Variants in ATRNL1 observed in about 807,000 individuals in gnomAD.
The protein encoded by ATRNL1 is attractin-like protein 1.
Under a neutral mutation model 182.7 loss-of-function variants are expected in ATRNL1, and 95 were observed. That is an observed-to-expected ratio of 0.52 (90% CI 0.44 to 0.62). The LOEUF (loss-of-function observed/expected upper bound fraction) is 0.62. Among genes scored for constraint, ATRNL1 ranks in the 20% least tolerant of loss-of-function variants. ATRNL1 has a pLI of 0.00. For synonymous variants in ATRNL1, 576 were observed against 568.3 expected (o/e 1.01, Z -0.19); for missense variants, 1,471 against 1,679.5 (o/e 0.88, Z 2.17).
chr10:115,139,927 G>C (rs782294058), intron 5 of ATRNL1, among the ~76,000 whole-genome samples: 64 of 152,142 alleles, frequency 4.2e-4, no homozygotes, highest in Non-Finnish European at 8.5e-4. Flanking sequence ...GAAATGAGAA[G>C]ACTGGATAAA....
chr10:115,603,480 A>T (rs1856720372), intron 26 of ATRNL1, among the ~76,000 whole-genome samples: 2 of 152,202 alleles, frequency 1.3e-5, no homozygotes, highest in African/African-American at 4.8e-5. Flanking sequence ...CATATCACTT[A>T]AAAAATTACA....
chr10:115,501,620 C>G (rs1373163895), intron 24 of ATRNL1, among the ~76,000 whole-genome samples: 1 of 152,030 alleles, frequency 6.6e-6, no homozygotes, highest in Admixed American at 6.6e-5. Context: ...AGAATACTAA[C>G]AAGTAGTTTT....
chr10:115,442,262 T>A (rs536742426), intron 21 of ATRNL1, among the ~76,000 whole-genome samples: 1 of 144,244 alleles, frequency 6.9e-6, no homozygotes, highest in African/African-American at 2.6e-5. Context: ...TCATTTTCAT[T>A]TGTGTTTGCT....
chr10:115,833,770 C>T (rs960053942), intron 27 of ATRNL1, among the ~76,000 whole-genome samples: 2 of 152,118 alleles, frequency 1.3e-5, no homozygotes, highest in Admixed American at 1.3e-4. Flanking sequence ...CAATAATGTA[C>T]CAGAGCCCAC....
At chr10:115,305,977 A>C (rs1158949203) in intron 17 of ATRNL1, among the ~76,000 whole-genome samples, 2 of 152,180 alleles carry the variant, frequency 1.3e-5, no homozygotes, top group Non-Finnish European at 2.9e-5. Context: ...TATATTTCAC[A>C]ATAAAAGAGG....
At chr10:115,472,468 A>G (rs184056383) in intron 24 of ATRNL1, among the ~76,000 whole-genome samples, 58 of 151,236 alleles carry the variant, frequency 3.8e-4, no homozygotes, top group Non-Finnish European at 6.7e-4. Flanking sequence ...AATTCTTCCA[A>G]TCAATGAACA....
chr10:115,838,232 G>T (rs1189653255), intron 27 of ATRNL1, among the ~76,000 whole-genome samples: 2 of 152,142 alleles, frequency 1.3e-5, no homozygotes, highest in African/African-American at 2.4e-5. Context: ...AAACTCTATT[G>T]TCAAAATTCT....
chr10:115,377,893 C>T (rs1857767213), intron 19 of ATRNL1, among the ~76,000 whole-genome samples: 1 of 152,124 alleles, frequency 6.6e-6, no homozygotes, highest in Admixed American at 6.5e-5. Context: ...GCACTCTCTC[C>T]AGGACCTTGG....
At chr10:115,801,749 G>C (rs1949798092) in intron 27 of ATRNL1, among the ~76,000 whole-genome samples, 1 of 151,970 alleles carries the variant, frequency 6.6e-6, no homozygotes, top group Admixed American at 6.6e-5. Flanking sequence ...AGAAACTCTT[G>C]CCTTGGAAGA....
intron 28 of ATRNL1, among the ~76,000 whole-genome samples, chr10:115,939,391 T>C (rs1163898584): frequency 6.6e-6 from 1 of 152,218 alleles, no homozygotes; most frequent in Non-Finnish European, 1.5e-5. Context: ...TTCCTTCCTA[T>C]GCGGTTTATA....
intron 28 of ATRNL1, among the ~76,000 whole-genome samples, chr10:115,902,254 CT>C (rs1952377311): frequency 6.6e-6 from 1 of 152,098 alleles, no homozygotes; most frequent in Non-Finnish European, 1.5e-5. Flanking sequence ...CATCATCTTC[CT>C]AAAGAACAAA....
chr10:115,295,552 A>T (rs1278192479), intron 15 of ATRNL1, among the ~76,000 whole-genome samples: 3 of 151,818 alleles, frequency 2.0e-5, no homozygotes, highest in African/African-American at 7.3e-5. Flanking sequence ...CTGCCTGGAG[A>T]GGTTGCAATG....
At chr10:115,240,632 ATACTT>A (rs1309704434) in intron 9 of ATRNL1, among the ~76,000 whole-genome samples, 1 of 152,122 alleles carries the variant, frequency 6.6e-6, no homozygotes, top group African/African-American at 2.4e-5. Context: ...TATACTAACT[ATACTT>A]TACGTATTAG....
rs571283543 is a variant in ATRNL1 at position 115,756,925 on chromosome 10, T to G, written c.3903+29570T>G. 1.6e-3 allele frequency among the ~76,000 whole-genome samples: 244 copies of G among 152,274 alleles called. 12 individuals are homozygous for G. The South Asian group carries it at 0.049, about 31-fold the overall frequency. Reference sequence around the variant, plus strand: ...CCTTTACCATTATGTAATACTCTTGTCTCTTTTCATCTTTGTTGGTTTAAC... The same window carrying G: ...CCTTTACCATTATGTAATACTCTTGGCTCTTTTCATCTTTGTTGGTTTAAC... On this transcript the variant is annotated intron_variant, in intron 27 of 28. Coordinates refer to ENST00000355044, the MANE Select transcript of ATRNL1 (RefSeq NM_207303.4).
At chr10:115,632,503 T>G (rs1683070972) in intron 26 of ATRNL1, among the ~76,000 whole-genome samples, 1 of 152,158 alleles carries the variant, frequency 6.6e-6, no homozygotes, top group Admixed American at 6.5e-5. Context: ...GGTTTATAGT[T>G]TTAAAGAATC....
At chr10:115,454,106 A>G (rs1482957990) in intron 21 of ATRNL1, among the ~76,000 whole-genome samples, 1 of 152,016 alleles carries the variant, frequency 6.6e-6, no homozygotes, top group Non-Finnish European at 1.5e-5. Context: ...GTCTAATTTC[A>G]TTCTTTTTCA....
intron 26 of ATRNL1, among the ~76,000 whole-genome samples, chr10:115,634,970 A>G (rs987264231): frequency 1.3e-5 from 2 of 152,108 alleles, no homozygotes; most frequent in Non-Finnish European, 2.9e-5. Context: ...AAAAAATTAT[A>G]GTTTCCTGTA....
At chr10:115,722,242 CA>C (rs1410900814) in intron 26 of ATRNL1, among the ~76,000 whole-genome samples, 1 of 143,552 alleles carries the variant, frequency 7.0e-6, no homozygotes, top group Non-Finnish European at 1.5e-5. Context: ...GCCGGCAGGT[CA>C]AAGATTATAA....
rs184250098 is a variant in ATRNL1 at position 115,699,439 on chromosome 10, G to A, written c.3796-27809G>A. Among the ~76,000 whole-genome samples, 121 of 152,020 alleles carry A rather than the reference G, an allele frequency of 8.0e-4. 2 individuals are homozygous for A. In the East Asian group the frequency reaches 0.019, roughly 23 times the overall value. On this transcript the variant is annotated intron_variant, in intron 26 of 28. Transcript: ENST00000355044. ...GTAATTAAGAAATGTGATTTTTTGC[G>A]TAAGGATAGGCAATTAGATCAAGAG...
Sources: gnomAD v4.1 joint callset for allele counts (sites outside exome capture counted in the v4.1 genomes callset) on GRCh38, gnomAD v4.1.1 for gene constraint, MANE v1.5 for transcripts, NCBI Gene and HGNC (gene_info 2026-07-23, HGNC 2026-07-21) for gene names.